Variants in LRP1B observed in about 807,000 individuals in gnomAD.
LRP1B encodes the protein low-density lipoprotein receptor-related protein 1B.
LRP1B carries 217 observed loss-of-function variants against 556.6 expected under a neutral mutation model. That is an observed-to-expected ratio of 0.39 (90% CI 0.35 to 0.44). The LOEUF is 0.44. Among genes scored for constraint, LRP1B ranks in the 20% least tolerant of loss-of-function variants. The pLI is 1.00. For synonymous variants in LRP1B, 2,047 were observed against 1,865.8 expected, an observed-to-expected ratio of 1.10 and a Z score of -2.50; for missense variants, 5,053 against 5,620.8, an observed-to-expected ratio of 0.90 and a Z score of 3.23.
At chr2:141,267,685 A>T (rs1156563759) in intron 3 of LRP1B, among the ~76,000 whole-genome samples, 1 of 152,218 alleles carries the variant, frequency 6.6e-6, no homozygotes, top group East Asian at 1.9e-4. Flanking sequence ...TACCAGAGGG[A>T]CCTGAGAAAA....
chr2:141,759,941 G>A (rs1393615295), intron 2 of LRP1B, among the ~76,000 whole-genome samples: 2 of 152,070 alleles, frequency 1.3e-5, no homozygotes, highest in African/African-American at 4.8e-5. Context: ...GAGCAGCCTG[G>A]CCAACATGGC....
rs1690853110 is a variant in LRP1B, at chr2:140,809,770, AC to A, written c.5359+3886del. On this transcript the variant is annotated intron_variant, in intron 32 of 90. Transcript: ENST00000389484. The stretch of plus-strand genomic sequence containing the variant: ...CTGGTTTGGAGTATCCCTTGAGGTT[AC>A]TTTATAGCTGTTGGCTTGTGCTAAA... 2.6e-5 allele frequency among the ~76,000 whole-genome samples: 4 copies of A among 152,144 alleles called. No individual in the cohort carries two copies. In the South Asian group the frequency reaches 8.3e-4, roughly 31 times the overall value.
chr2:141,188,609 T>G (rs1345415470), intron 6 of LRP1B, 26 bp from the exon 7 acceptor site: 1 of 1,604,610 alleles, frequency 6.2e-7, no homozygotes, highest in Non-Finnish European at 8.5e-7. Context: ...ACAAAATCAT[T>G]GAATCACAGG....
chr2:141,453,775 G>A (rs113482635), intron 3 of LRP1B, among the ~76,000 whole-genome samples: 3 of 151,782 alleles, frequency 2.0e-5, no homozygotes, highest in East Asian at 1.9e-4. Context: ...AAAATTAGCC[G>A]GGTGTGGTGA....
rs1699147879 is a variant in LRP1B at position 141,055,277 on chromosome 2, C to A, written c.1409-18G>T. ...GCTTCTGACTACAACAAATAAAAAA[C>A]AGCATGCGTGAAATTCAAGTTCAAA... On this transcript the variant is annotated intron_variant, in intron 9 of 90. Transcript: ENST00000389484. 6.3e-7 allele frequency: 1 copy of A among 1,596,328 alleles called. No homozygotes were observed. Among genetic ancestry groups the A allele is most frequent in the African/African-American group, 1.4e-5 (1 of 74,022 alleles).
At chr2:140,347,021 T>C (rs1165733584) in intron 77 of LRP1B, among the ~76,000 whole-genome samples, 1 of 151,982 alleles carries the variant, frequency 6.6e-6, no homozygotes, top group Non-Finnish European at 1.5e-5. Context: ...TGCTTAGGAA[T>C]ATTTAGGTTT....
intron 1 of LRP1B, among the ~76,000 whole-genome samples, chr2:142,017,063 G>A (rs1703170871): frequency 6.6e-6 from 1 of 151,754 alleles, no homozygotes; most frequent in Non-Finnish European, 1.5e-5. Context: ...TGAGTGAGAT[G>A]GCTTTGTTAT....
chr2:140,397,790 T>C (rs1684317309), intron 66 of LRP1B, among the ~76,000 whole-genome samples: 1 of 152,176 alleles, frequency 6.6e-6, no homozygotes, highest in Non-Finnish European at 1.5e-5. Flanking sequence ...TGAAATAAAA[T>C]ACTTTTTATC....
At chr2:140,978,387 C>A (rs907287246) in intron 18 of LRP1B, among the ~76,000 whole-genome samples, 4 of 151,992 alleles carry the variant, frequency 2.6e-5, no homozygotes, top group Non-Finnish European at 5.9e-5. Context: ...TAGCCATAAC[C>A]CTAACAGAGA....
intron 43 of LRP1B, among the ~76,000 whole-genome samples, chr2:140,590,768 A>G (rs923178051): frequency 3.3e-5 from 5 of 152,150 alleles, no homozygotes; most frequent in Non-Finnish European, 5.9e-5. Flanking sequence ...CACCCAGTCT[A>G]AAGTATTGTG....
intron 3 of LRP1B, among the ~76,000 whole-genome samples, chr2:141,308,139 C>A (rs1686669297): frequency 6.6e-6 from 1 of 152,164 alleles, no homozygotes; most frequent in African/African-American, 2.4e-5. Context: ...GTTCAGGAAT[C>A]AGTATATAAC....
At chr2:141,065,087 G>C (rs1020558785) in intron 7 of LRP1B, among the ~76,000 whole-genome samples, 1 of 151,796 alleles carries the variant, frequency 6.6e-6, no homozygotes, top group African/African-American at 2.4e-5. Flanking sequence ...TGAAAAACTT[G>C]TTATTTGGAA....
At chr2:141,218,590 C>G (rs1014224264) in intron 6 of LRP1B, among the ~76,000 whole-genome samples, 17 of 151,910 alleles carry the variant, frequency 1.1e-4, no homozygotes, top group Non-Finnish European at 2.4e-4. Context: ...AGTGGGTACA[C>G]AAAGACATAA....
chr2:140,338,080 T>G (rs1165788796), intron 77 of LRP1B, among the ~76,000 whole-genome samples: 1 of 151,258 alleles, frequency 6.6e-6, no homozygotes, highest in East Asian at 1.9e-4. Context: ...AAAAAAAAAC[T>G]TACTTTTCAT....
intron 2 of LRP1B, among the ~76,000 whole-genome samples, chr2:141,665,554 G>C (rs1690395527): frequency 6.6e-6 from 1 of 152,182 alleles, no homozygotes; most frequent in Non-Finnish European, 1.5e-5. Flanking sequence ...AATACCATTT[G>C]ACCCAGCAAT....
chr2:140,978,192 T>A lies in LRP1B; in HGVS notation c.2887+3968A>T, dbSNP rs534175937. On this transcript the variant is annotated intron_variant, in intron 18 of 90. Coordinates refer to ENST00000389484, the MANE Select transcript of LRP1B (RefSeq NM_018557.3). ...ATAATCTCAACCTAAAATGTGCAAT[T>A]AACTCGTAAAGGCAAATGCAAGTAA... Among the ~76,000 whole-genome samples, 75 of 152,314 alleles carry A rather than the reference T, an allele frequency of 4.9e-4. 3 individuals carry two copies. The South Asian group carries it at 0.015, about 29-fold the overall frequency.
chr2:141,641,710 A>G (rs182487282), intron 2 of LRP1B, among the ~76,000 whole-genome samples: 81 of 152,292 alleles, frequency 5.3e-4, no homozygotes, highest in African/African-American at 1.9e-3. Context: ...ACCAGACTGC[A>G]AAAGATCCTA....
chr2:141,338,292 A>AGAT (rs1687922759), intron 3 of LRP1B, among the ~76,000 whole-genome samples: 1 of 152,156 alleles, frequency 6.6e-6, no homozygotes, highest in African/African-American at 2.4e-5. Context: ...GCCAAGACAC[A>AGAT]GATAATAGAG....
chr2:141,861,269 C>G (rs1000383235), intron 1 of LRP1B, among the ~76,000 whole-genome samples: 1 of 152,144 alleles, frequency 6.6e-6, no homozygotes, highest in Non-Finnish European at 1.5e-5. Context: ...ATCCTCATTA[C>G]TCTCCCCCTT....
Sources: gnomAD v4.1 joint callset for allele counts (sites outside exome capture counted in the v4.1 genomes callset) on GRCh38, gnomAD v4.1.1 for gene constraint, MANE v1.5 for transcripts, NCBI Gene and HGNC (gene_info 2026-07-23, HGNC 2026-07-21) for gene names.